Variants in CDC42SE2 observed in about 807,000 individuals in gnomAD.
CDC42SE2 encodes the protein CDC42 small effector protein 2.
In CDC42SE2, 3 loss-of-function variants were observed where a neutral mutation model predicts 11.5. The observed-to-expected ratio is 0.26, with a 90% CI of 0.12 to 0.67. The LOEUF (loss-of-function observed/expected upper bound fraction) is 0.67. Among genes scored for constraint, CDC42SE2 ranks in the 30% least tolerant of loss-of-function variants. The probability of loss-of-function intolerance (pLI) is 0.80; values close to 1 mark genes in which losing one functional copy is unlikely to be tolerated. For missense variants in CDC42SE2, 82 were observed against 106.8 expected, an observed-to-expected ratio of 0.77 and a Z score of 1.02; for synonymous variants, 33 against 34.8, an observed-to-expected ratio of 0.95 and a Z score of 0.18.
chr5:131,251,308 C>T (rs1756636813), intron 1 of CDC42SE2, among the ~76,000 whole-genome samples: 1 of 152,106 alleles, frequency 6.6e-6, no homozygotes, highest in Non-Finnish European at 1.5e-5. Context: ...TCTTTCTCTT[C>T]TACACCAAGA....
intron 1 of CDC42SE2, among the ~76,000 whole-genome samples, chr5:131,314,216 T>G (rs1757991758): frequency 6.6e-6 from 1 of 152,032 alleles, no homozygotes; most frequent in South Asian, 2.1e-4. Flanking sequence ...AATGAAATTA[T>G]TTTTTAAATG....
chr5:131,371,760 A>G (rs1750017331), intron 3 of CDC42SE2, among the ~76,000 whole-genome samples: 1 of 152,240 alleles, frequency 6.6e-6, no homozygotes, highest in Non-Finnish European at 1.5e-5. Context: ...TTTTATCCAA[A>G]TAGAAATGAA....
intron 1 of CDC42SE2, among the ~76,000 whole-genome samples, chr5:131,284,769 A>G (rs1757307302): frequency 6.6e-6 from 1 of 152,220 alleles, no homozygotes; most frequent in Non-Finnish European, 1.5e-5. Flanking sequence ...TACTGGGCCC[A>G]GCCCCCAATT....
At chr5:131,296,410 G>T (rs1757572005) in intron 1 of CDC42SE2, among the ~76,000 whole-genome samples, 1 of 152,140 alleles carries the variant, frequency 6.6e-6, no homozygotes, top group Non-Finnish European at 1.5e-5. Context: ...CAGTTCTGAA[G>T]GTTAGAAGTC....
intron 3 of CDC42SE2, among the ~76,000 whole-genome samples, chr5:131,369,668 A>G (rs1449375116): frequency 6.6e-6 from 1 of 152,194 alleles, no homozygotes; most frequent in Non-Finnish European, 1.5e-5. Flanking sequence ...GCATTTTAAT[A>G]TGAGAGTGAA....
At chr5:131,380,786 C>T (rs961884892) in intron 3 of CDC42SE2, among the ~76,000 whole-genome samples, 4 of 152,156 alleles carry the variant, frequency 2.6e-5, no homozygotes, top group African/African-American at 9.7e-5. Flanking sequence ...CTCCTTTTCT[C>T]CTTTCAGCCA....
intron 1 of CDC42SE2, among the ~76,000 whole-genome samples, chr5:131,294,421 A>G (rs1268967907): frequency 6.6e-6 from 1 of 152,232 alleles, no homozygotes; most frequent in Non-Finnish European, 1.5e-5. Context: ...CAATTATTGA[A>G]TAAATACTGC....
intron 1 of CDC42SE2, chr5:131,252,913 G>C (rs969471961): frequency 2.6e-5 from 4 of 152,154 alleles, no homozygotes; most frequent in Admixed American, 2.0e-4. Flanking sequence ...ACCCACACAG[G>C]TTAAGTCAAA....
upstream of CDC42SE2, among the ~76,000 whole-genome samples, chr5:131,263,346 T>G (rs1438589757): frequency 6.6e-6 from 1 of 152,198 alleles, no homozygotes; most frequent in Non-Finnish European, 1.5e-5. Context: ...GCTATCCTTT[T>G]GAACTTACGA....
intron 1 of CDC42SE2, among the ~76,000 whole-genome samples, chr5:131,289,896 G>A (rs913568976): frequency 6.6e-6 from 1 of 151,928 alleles, no homozygotes; most frequent in Non-Finnish European, 1.5e-5. Flanking sequence ...CTGTAGTAGA[G>A]TGGCACAGTC....
At chr5:131,351,736 A>G (rs1759017300) in intron 2 of CDC42SE2, among the ~76,000 whole-genome samples, 1 of 152,252 alleles carries the variant, frequency 6.6e-6, no homozygotes, top group African/African-American at 2.4e-5. Context: ...AGTCTAGAAA[A>G]AGAAACAGAT....
At chr5:131,217,326 C>T in the CDC42SE2 span, among the ~76,000 whole-genome samples, 1 of 152,116 alleles carries the variant, frequency 6.6e-6, no homozygotes, top group Non-Finnish European at 1.5e-5. Context: ...TCTGCTGATC[C>T]CTGGTCTAGA....
rs781509814 is a variant in CDC42SE2, at chr5:131,394,190, C to T, written c.*3099C>T. 3.3e-5 allele frequency: 5 copies of T among 152,254 alleles called. No individual in the cohort carries two copies. The highest frequency in any genetic ancestry group is 1.2e-4 in the African/African-American group (5 of 41,424). 9.4% of individuals were successfully genotyped at this position (152,254 alleles called of 1,614,324 possible). A position where few individuals can be genotyped will look rare whatever the true frequency, so the allele number is the denominator to read the frequency against. On this transcript the variant is annotated 3_prime_UTR_variant, in exon 5 of 5. Coordinates refer to ENST00000505065, the MANE Select transcript of CDC42SE2 (RefSeq NM_001375635.1). ...AAATAGGATTTTACTACTCAACATT[C>T]ATTATACTGTTAATCTTTGCTGAAA...
intron 1 of CDC42SE2, among the ~76,000 whole-genome samples, chr5:131,275,936 G>A (rs1757091540): frequency 6.6e-6 from 1 of 151,372 alleles, no homozygotes; most frequent in Non-Finnish European, 1.5e-5. Context: ...CTACAATAAT[G>A]TACACAACTC....
At chr5:131,349,121 A>G (rs997607240) in intron 2 of CDC42SE2, among the ~76,000 whole-genome samples, 3 of 152,180 alleles carry the variant, frequency 2.0e-5, no homozygotes, top group Non-Finnish European at 4.4e-5. Flanking sequence ...AATGGCAACA[A>G]AAGCCAAAAT....
chr5:131,273,297 A>G (rs188972801), intron 1 of CDC42SE2, among the ~76,000 whole-genome samples: 520 of 149,310 alleles, frequency 3.5e-3, no homozygotes, highest in Non-Finnish European at 5.9e-3. Flanking sequence ...CTGGGACTAC[A>G]GGCGCCCATC....
chr5:131,230,943 A>G, the CDC42SE2 span, among the ~76,000 whole-genome samples: 46 of 152,318 alleles, frequency 3.0e-4, 1 homozygote, highest in South Asian at 8.9e-3. Context: ...TGATCATGAT[A>G]CATCTATAAA....
At chr5:131,378,908 T>G (rs1750233820) in intron 3 of CDC42SE2, among the ~76,000 whole-genome samples, 1 of 152,228 alleles carries the variant, frequency 6.6e-6, no homozygotes. Context: ...AGTTACAAAT[T>G]ATCTGAAGCT....
intron 3 of CDC42SE2, among the ~76,000 whole-genome samples, chr5:131,360,366 C>T (rs928711201): frequency 3.9e-5 from 6 of 152,166 alleles, no homozygotes; most frequent in Admixed American, 2.6e-4. Flanking sequence ...GTGATCCACC[C>T]GCCTCTGCCT....
Sources: gnomAD v4.1 joint callset for allele counts (sites outside exome capture counted in the v4.1 genomes callset) on GRCh38, gnomAD v4.1.1 for gene constraint, MANE v1.5 for transcripts, NCBI Gene and HGNC (gene_info 2026-07-23, HGNC 2026-07-21) for gene names.